The following MYOM1 variants were observed in gnomAD, a reference collection of about 807,000 sequenced individuals.
MYOM1 encodes the protein myomesin-1.
Under a neutral mutation model 205.3 loss-of-function variants are expected in MYOM1, and 164 were observed. The ratio of observed to expected loss-of-function variants is 0.80; its 90% CI spans 0.70 to 0.91. MYOM1 has a LOEUF of 0.91. Ranked by LOEUF, MYOM1 falls within the 40% of genes least tolerant of loss-of-function variation. The probability of loss-of-function intolerance (pLI) is 0.00; values close to 1 mark genes in which losing one functional copy is unlikely to be tolerated. For missense variants in MYOM1, 2,011 were observed against 2,127.3 expected, an observed-to-expected ratio of 0.95 and a Z score of 1.08; for synonymous variants, 772 against 789.4, an observed-to-expected ratio of 0.98 and a Z score of 0.37.
chr18:3,244,293 G>A, the MYOM1 span, among the ~76,000 whole-genome samples: 1 of 152,140 alleles, frequency 6.6e-6, no homozygotes, highest in Non-Finnish European at 1.5e-5. Context: ...CATTTAGTGG[G>A]CCTTGAGAGG....
At chr18:3,096,086 C>T (rs1212870570) in intron 25 of MYOM1, among the ~76,000 whole-genome samples, 2 of 152,156 alleles carry the variant, frequency 1.3e-5, no homozygotes, top group Non-Finnish European at 1.5e-5. Context: ...CTGAGAACAT[C>T]GTCTGGGGAA....
intron 2 of MYOM1, among the ~76,000 whole-genome samples, chr18:3,196,345 T>A (rs1186202191): frequency 6.6e-6 from 1 of 152,200 alleles, no homozygotes; most frequent in Admixed American, 6.5e-5. Flanking sequence ...AATATGTAGA[T>A]TTTAAATTTC....
rs998783059 is a variant in MYOM1, at chr18:3,164,523, C to T, written c.1340-84G>A. 6.2e-6 allele frequency: 8 copies of T among 1,280,282 alleles called. No individual in the cohort carries two copies. The Admixed American group carries it at 1.4e-4, about 22-fold the overall frequency. 79.3% of individuals were successfully genotyped at this position (1,280,282 alleles called of 1,614,324 possible). ...GTCTCCCCTCCATTCCTCTCCTTAG[C>T]CTTTTCTATAATGAAAGTAATTTAA... On this transcript the variant is annotated intron_variant, in intron 9 of 37. Coordinates refer to ENST00000356443, the MANE Select transcript of MYOM1 (RefSeq NM_003803.4).
the MYOM1 span, among the ~76,000 whole-genome samples, chr18:3,225,219 C>T: frequency 6.6e-6 from 1 of 151,866 alleles, no homozygotes; most frequent in African/African-American, 2.4e-5. Context: ...GATCTCCTGA[C>T]CTCGTGATCT....
intron 20 of MYOM1, among the ~76,000 whole-genome samples, chr18:3,118,072 C>T (rs1223478904): frequency 1.3e-5 from 2 of 152,074 alleles, no homozygotes; most frequent in African/African-American, 4.8e-5. Context: ...GAAAAGCAGA[C>T]CTAGTTTCCT....
intron 13 of MYOM1, among the ~76,000 whole-genome samples, chr18:3,143,368 G>C (rs982142081): frequency 7.2e-5 from 11 of 152,134 alleles, no homozygotes; most frequent in African/African-American, 2.7e-4. Flanking sequence ...AATGTTCAAG[G>C]AAGTGCTTCA....
intron 17 of MYOM1, 163 bp from the exon 18 acceptor site, chr18:3,129,682 C>T (rs1358768121): frequency 3.2e-6 from 2 of 633,882 alleles, no homozygotes; most frequent in Admixed American, 3.1e-5. Flanking sequence ...GGAAAGACTA[C>T]ATTTCACACA....
chr18:3,142,518 G>A (rs1341353521), intron 13 of MYOM1, among the ~76,000 whole-genome samples: 1 of 152,062 alleles, frequency 6.6e-6, no homozygotes, highest in Non-Finnish European at 1.5e-5. Flanking sequence ...TGATCCTCCT[G>A]CCTTGGCCTC....
chr18:3,138,358 C>T (rs948482601), intron 14 of MYOM1, among the ~76,000 whole-genome samples: 6 of 152,106 alleles, frequency 3.9e-5, no homozygotes, highest in African/African-American at 4.8e-5. Flanking sequence ...GGATGATCTT[C>T]GTTGACTTGA....
chr18:3,111,501 C>T (rs2079526569), intron 22 of MYOM1, among the ~76,000 whole-genome samples: 1 of 152,036 alleles, frequency 6.6e-6, no homozygotes, highest in Non-Finnish European at 1.5e-5. Context: ...GCCCAGGGGT[C>T]AGCAAACTAT....
chr18:3,137,997 GAATA>G (rs987538809), intron 14 of MYOM1, among the ~76,000 whole-genome samples: 11 of 152,026 alleles, frequency 7.2e-5, no homozygotes, highest in Admixed American at 6.6e-5. Context: ...CCAAGTCTTA[GAATA>G]ATTAATGGGA....
chr18:3,128,813 C>A (rs2079832722), intron 18 of MYOM1, among the ~76,000 whole-genome samples: 1 of 152,110 alleles, frequency 6.6e-6, no homozygotes, highest in Non-Finnish European at 1.5e-5. Flanking sequence ...AACTATGACC[C>A]TGGTACGATG....
intron 13 of MYOM1, among the ~76,000 whole-genome samples, chr18:3,144,634 A>T (rs2080099136): frequency 6.6e-6 from 1 of 152,218 alleles, no homozygotes; most frequent in Non-Finnish European, 1.5e-5. Context: ...GTGTAAAAGG[A>T]TGGAAATAAT....
At chr18:3,112,971 CTAAA>C (rs1321123478) in intron 21 of MYOM1, among the ~76,000 whole-genome samples, 2 of 152,048 alleles carry the variant, frequency 1.3e-5, no homozygotes, top group Admixed American at 6.6e-5. Context: ...CTATTTCTTA[CTAAA>C]TAGACATGAA....
chr18:3,092,625 G>C (rs1009264525), intron 26 of MYOM1, among the ~76,000 whole-genome samples: 2 of 151,962 alleles, frequency 1.3e-5, no homozygotes, highest in African/African-American at 4.8e-5. Context: ...CAAATACCAT[G>C]ATGGATTTGA....
Position 3,135,553 on chromosome 18 carries a change from T to C in MYOM1, c.2203A>G (p.Lys735Glu). Residue 735 changes from lysine to glutamate, a missense_variant, in exon 15 of 38, where the codon AAA becomes GAA. By Grantham distance (56) the Lys-to-Glu change is moderately conservative. Coordinates refer to ENST00000356443, the MANE Select transcript of MYOM1 (RefSeq NM_003803.4). The surrounding 1 kb of genome is among the most constrained non-coding windows in gnomAD (Gnocchi z 4.1). Reference sequence around the variant, plus strand: ...GAAGTTTACAGTTGCTTACCAAGTTTGTCCCCTACCACAGTCACCTCCGTT... The same window carrying C: ...GAAGTTTACAGTTGCTTACCAAGTTCGTCCCCTACCACAGTCACCTCCGTT... ...EATEVTVVGD[K>E]LDIPKAPGKI... 1 of 1,613,246 alleles carries C rather than the reference T, an allele frequency of 6.2e-7. No individual in the cohort carries two copies. Among genetic ancestry groups the C allele is most frequent in the Non-Finnish European group, 8.5e-7 (1 of 1,179,510 alleles).
intron 10 of MYOM1, among the ~76,000 whole-genome samples, chr18:3,160,034 TTCCTCCTCCTTCTCC>T (rs2080363283): frequency 6.7e-6 from 1 of 149,206 alleles, no homozygotes; most frequent in African/African-American, 2.5e-5. Flanking sequence ...CCTTCTCCTC[TTCCTCCTCCTTCTCC>T]TCCTCCTCCT....
intron 2 of MYOM1, among the ~76,000 whole-genome samples, chr18:3,208,408 C>T (rs139950652): frequency 6.6e-6 from 1 of 152,136 alleles, no homozygotes; most frequent in Non-Finnish European, 1.5e-5. Flanking sequence ...CAGCTACTTG[C>T]GGGCTGAGAG....
intron 12 of MYOM1, 117 bp downstream of exon 12, chr18:3,151,572 AAGGAT>A (rs2080222780): frequency 1.3e-6 from 1 of 786,014 alleles, no homozygotes; most frequent in South Asian, 3.3e-5. Context: ...CTGATGAAAA[AAGGAT>A]TTCTTGTTCT....
Sources: gnomAD v4.1 joint callset for allele counts (sites outside exome capture counted in the v4.1 genomes callset) on GRCh38, gnomAD v4.1.1 for gene constraint, Gnocchi (gnomAD v3.1) non-coding constraint, MANE v1.5 for transcripts, NCBI Gene and HGNC (gene_info 2026-07-23, HGNC 2026-07-21) for gene names.